Variants in SYT9 observed in about 807,000 individuals in gnomAD.
SYT9 encodes the protein synaptotagmin 9, also known as synaptotagmin-9.
In SYT9, 22 loss-of-function variants were observed where a neutral mutation model predicts 48.4. The observed-to-expected ratio is 0.45, with a 90% CI of 0.32 to 0.65. The LOEUF (loss-of-function observed/expected upper bound fraction) is 0.65, where lower values mean the gene tolerates loss of function less well. SYT9 is among the 30% of genes least tolerant of loss of function. SYT9 has a pLI of 0.03. For missense variants in SYT9, 577 were observed against 622.0 expected (o/e 0.93, Z 0.77); for synonymous variants, 265 against 245.0 (o/e 1.08, Z -0.76).
At chr11:7,269,221 G>T (rs939493267) in intron 1 of SYT9, among the ~76,000 whole-genome samples, 6 of 151,984 alleles carry the variant, frequency 3.9e-5, no homozygotes, top group African/African-American at 1.2e-4. Context: ...AGTTGGGGGG[G>T]TGGGAAATGG....
intron 1 of SYT9, among the ~76,000 whole-genome samples, chr11:7,297,006 G>GAC (rs745565600): frequency 1.3e-5 from 2 of 151,224 alleles, no homozygotes; most frequent in African/African-American, 2.4e-5. Context: ...CCCTCCCCCT[G>GAC]ACACACACAC....
In SYT9 at chr11:7,392,490, C is replaced by T. The variant is rs549268574; in HGVS notation, c.1045-23552C>T. Among the ~76,000 whole-genome samples, 314 of 152,156 alleles carry T rather than the reference C, an allele frequency of 2.1e-3. 2 individuals are homozygous for T. Among genetic ancestry groups the T allele is most frequent in the South Asian group, 7.7e-3 (37 of 4,816 alleles). On this transcript the variant is annotated intron_variant, in intron 3 of 6. Coordinates refer to ENST00000318881, the MANE Select transcript of SYT9 (RefSeq NM_175733.4). Reference sequence around the variant, plus strand: ...TCTATTGTTCTACCAGTACCATATTCTTTTGGTTACTGTAGCTTTGTAGTA... The same window carrying T: ...TCTATTGTTCTACCAGTACCATATTTTTTTGGTTACTGTAGCTTTGTAGTA...
rs183751543 is a variant in SYT9 at position 7,311,170 on chromosome 11, C to T, written c.498-2225C>T. On this transcript the variant is annotated intron_variant, in intron 2 of 6. Transcript: ENST00000318881. Reference sequence around the variant, plus strand: ...ATACAAAATTAGCCAGGTGTGGTGGCGCATGCCTGTAATCCCAGCTATTTG... The same window carrying T: ...ATACAAAATTAGCCAGGTGTGGTGGTGCATGCCTGTAATCCCAGCTATTTG... 5.2e-3 allele frequency among the ~76,000 whole-genome samples: 794 copies of T among 152,142 alleles called. 11 individuals carry two copies. Among genetic ancestry groups the T allele is most frequent in the African/African-American group, 0.016 (675 of 41,504 alleles).
At chr11:7,347,022 C>T (rs1211312298) in intron 3 of SYT9, among the ~76,000 whole-genome samples, 2 of 152,174 alleles carry the variant, frequency 1.3e-5, no homozygotes, top group East Asian at 3.9e-4. Context: ...TGTTCCTGAA[C>T]AGGGCTTCAT....
intron 3 of SYT9, among the ~76,000 whole-genome samples, chr11:7,323,909 G>C (rs1227436475): frequency 6.6e-6 from 1 of 151,536 alleles, no homozygotes; most frequent in African/African-American, 2.4e-5. Flanking sequence ...CTCTTAATCT[G>C]CATTTTATTA....
intron 3 of SYT9, among the ~76,000 whole-genome samples, chr11:7,319,245 T>A (rs1353266396): frequency 6.7e-6 from 1 of 149,972 alleles, no homozygotes; most frequent in Non-Finnish European, 1.5e-5. Context: ...CGCCCAGGGC[T>A]ATTTCTTGAG....
chr11:7,316,072 T>G (rs988855358), intron 3 of SYT9, among the ~76,000 whole-genome samples: 1 of 151,398 alleles, frequency 6.6e-6, no homozygotes, highest in Admixed American at 6.6e-5. Context: ...TGTGGGGTTT[T>G]TTTTTGTATA....
intron 3 of SYT9, among the ~76,000 whole-genome samples, chr11:7,366,387 T>C (rs142006404): frequency 2.0e-5 from 3 of 152,332 alleles, no homozygotes; most frequent in Admixed American, 6.5e-5. Context: ...TGCACACTTA[T>C]TTTCGATAAA....
At chr11:7,465,961 CCACAACA>C (rs900440226) in intron 6 of SYT9, 1 of 152,526 alleles carries the variant, frequency 6.6e-6, no homozygotes, top group African/African-American at 2.4e-5. Flanking sequence ...GGGTCCCTTC[CCACAACA>C]CGTGGGAAGT....
At chr11:7,423,955 T>C (rs1257421682) in intron 6 of SYT9, among the ~76,000 whole-genome samples, 2 of 152,178 alleles carry the variant, frequency 1.3e-5, no homozygotes, top group Non-Finnish European at 2.9e-5. Flanking sequence ...TAACAGAGTA[T>C]GTGAGTGTGC....
At chr11:7,341,659 C>G (rs1441266674) in intron 3 of SYT9, among the ~76,000 whole-genome samples, 6 of 152,088 alleles carry the variant, frequency 3.9e-5, no homozygotes, top group Non-Finnish European at 1.5e-5. Context: ...TGGACTAAGA[C>G]AGCGGCCATG....
At chr11:7,316,746 A>C (rs1849250359) in intron 3 of SYT9, among the ~76,000 whole-genome samples, 1 of 152,190 alleles carries the variant, frequency 6.6e-6, no homozygotes, top group Non-Finnish European at 1.5e-5. Flanking sequence ...TGATCCTTCC[A>C]CTGTTGAAAT....
At chr11:7,297,004 C>G (rs542826079) in intron 1 of SYT9, among the ~76,000 whole-genome samples, 39 of 152,146 alleles carry the variant, frequency 2.6e-4, no homozygotes, top group African/African-American at 9.2e-4. Context: ...AGCCCTCCCC[C>G]TGACACACAC....
chr11:7,342,605 C>A (rs1037628349), intron 3 of SYT9, among the ~76,000 whole-genome samples: 1 of 152,224 alleles, frequency 6.6e-6, no homozygotes, highest in African/African-American at 2.4e-5. Flanking sequence ...CTCCCGGCTG[C>A]TTTCGTGGGC....
intron 5 of SYT9, among the ~76,000 whole-genome samples, chr11:7,419,825 G>C (rs1008355611): frequency 6.6e-6 from 1 of 152,194 alleles, no homozygotes; most frequent in African/African-American, 2.4e-5. Flanking sequence ...GAACCCGGGA[G>C]CTGGAGGTTG....
chr11:7,314,375 C>G (rs1849203403), intron 3 of SYT9: 1 of 292,362 alleles, frequency 3.4e-6, no homozygotes, highest in African/African-American at 2.2e-5. Flanking sequence ...GGCTCAAGAG[C>G]ATTTCCCATG....
chr11:7,376,259 C>G (rs775980535), intron 3 of SYT9, among the ~76,000 whole-genome samples: 8 of 150,998 alleles, frequency 5.3e-5, no homozygotes, highest in Non-Finnish European at 1.0e-4. Context: ...GTTTCTCTTT[C>G]TCTCTCTCTC....
intron 2 of SYT9, among the ~76,000 whole-genome samples, chr11:7,304,669 C>T (rs1051397218): frequency 6.6e-6 from 1 of 152,172 alleles, no homozygotes; most frequent in Non-Finnish European, 1.5e-5. Context: ...AGAGCCAAAT[C>T]TAAAATATGC....
At chr11:7,445,055 T>C (rs1847902348) in intron 6 of SYT9, among the ~76,000 whole-genome samples, 1 of 152,134 alleles carries the variant, frequency 6.6e-6, no homozygotes, top group Non-Finnish European at 1.5e-5. Context: ...CATTTTTGAG[T>C]TGTGTGTCCT....
Sources: allele counts gnomAD v4.1 joint callset (sites outside exome capture counted in the v4.1 genomes callset), GRCh38; gene constraint gnomAD v4.1.1; transcripts MANE v1.5; gene names NCBI Gene and HGNC (gene_info 2026-07-23, HGNC 2026-07-21).